Variants in HNF4G observed in about 807,000 individuals in gnomAD.
HNF4G encodes the protein hepatocyte nuclear factor 4-gamma.
In HNF4G, 21 loss-of-function variants were observed where a neutral mutation model predicts 50.9. The ratio of observed to expected loss-of-function variants is 0.41; its 90% CI spans 0.29 to 0.59. The LOEUF (loss-of-function observed/expected upper bound fraction) is 0.59, where lower values mean the gene tolerates loss of function less well. Ranked by LOEUF, HNF4G falls within the 20% of genes least tolerant of loss-of-function variation. HNF4G has a pLI of 0.26. For missense variants in HNF4G, 527 were observed against 559.4 expected, an observed-to-expected ratio of 0.94 and a Z score of 0.58; for synonymous variants, 198 against 185.6, an observed-to-expected ratio of 1.07 and a Z score of -0.54.
chr8:75,432,231 A>T (rs1811031794), intron 1 of HNF4G, among the ~76,000 whole-genome samples: 1 of 152,100 alleles, frequency 6.6e-6, no homozygotes, highest in African/African-American at 2.4e-5. Context: ...TCCAACCTGG[A>T]TTATGGCCCT....
At chr8:75,475,685 T>G (rs899326904) in intron 1 of HNF4G, among the ~76,000 whole-genome samples, 1 of 152,198 alleles carries the variant, frequency 6.6e-6, no homozygotes, top group Admixed American at 6.5e-5. Context: ...TGATAAGCAC[T>G]GAAAACATAC....
chr8:75,428,059 A>G (rs529931787), intron 1 of HNF4G, among the ~76,000 whole-genome samples: 180 of 152,310 alleles, frequency 1.2e-3, no homozygotes, highest in African/African-American at 4.2e-3. Flanking sequence ...TTATAATGGA[A>G]CATTACATTG....
chr8:75,439,840 G>T (rs1811233115), intron 1 of HNF4G, among the ~76,000 whole-genome samples: 1 of 151,498 alleles, frequency 6.6e-6, no homozygotes, highest in African/African-American at 2.4e-5. Flanking sequence ...CTGTTTTTTA[G>T]ATAATTCAGT....
At chr8:75,561,564 C>G (rs1012540693) in intron 9 of HNF4G, among the ~76,000 whole-genome samples, 12 of 152,176 alleles carry the variant, frequency 7.9e-5, no homozygotes, top group African/African-American at 2.9e-4. Flanking sequence ...CAATCATGGA[C>G]AGACTAAAAG....
intron 1 of HNF4G, among the ~76,000 whole-genome samples, chr8:75,410,286 CA>C (rs1281445011): frequency 6.6e-6 from 1 of 152,146 alleles, no homozygotes; most frequent in East Asian, 1.9e-4. Flanking sequence ...TAAACACCCA[CA>C]GTATATTTCT....
chr8:75,531,041 G>C (rs184663844), intron 2 of HNF4G, among the ~76,000 whole-genome samples: 15 of 152,002 alleles, frequency 9.9e-5, no homozygotes, highest in African/African-American at 3.1e-4. Flanking sequence ...TGATCCATCC[G>C]CCTTGGCCTC....
chr8:75,507,712 A>G (rs1805633282), intron 2 of HNF4G, among the ~76,000 whole-genome samples: 3 of 152,236 alleles, frequency 2.0e-5, no homozygotes, highest in African/African-American at 7.2e-5. Flanking sequence ...TCTGATATAT[A>G]TAATAAAGTT....
chr8:75,447,631 C>T (rs1239516652), intron 1 of HNF4G, among the ~76,000 whole-genome samples: 2 of 152,124 alleles, frequency 1.3e-5, no homozygotes, highest in Admixed American at 6.5e-5. Flanking sequence ...AGGACATGAA[C>T]AGACACTTCT....
intron 1 of HNF4G, among the ~76,000 whole-genome samples, chr8:75,477,804 C>T (rs943163535): frequency 6.6e-6 from 1 of 151,844 alleles, no homozygotes; most frequent in Non-Finnish European, 1.5e-5. Context: ...CCCGTCTCTA[C>T]TAAAAATACA....
chr8:75,418,337 G>C (rs571488084), intron 1 of HNF4G, among the ~76,000 whole-genome samples: 9 of 152,236 alleles, frequency 5.9e-5, no homozygotes, highest in Non-Finnish European at 1.3e-4. Flanking sequence ...TTTAACATAT[G>C]ATTTTGGGAG....
At chr8:75,424,567 G>C (rs1810848655) in intron 1 of HNF4G, among the ~76,000 whole-genome samples, 1 of 152,058 alleles carries the variant, frequency 6.6e-6, no homozygotes, top group African/African-American at 2.4e-5. Flanking sequence ...AGTTCCCAGA[G>C]TCTACTGTTC....
intron 1 of HNF4G, among the ~76,000 whole-genome samples, chr8:75,489,882 T>C (rs1669818935): frequency 6.6e-6 from 1 of 152,242 alleles, no homozygotes; most frequent in Non-Finnish European, 1.5e-5. Context: ...CTTGTTGTTC[T>C]GTGTGGAACT....
intron 2 of HNF4G, among the ~76,000 whole-genome samples, chr8:75,495,070 A>G (rs943614012): frequency 1.3e-5 from 2 of 152,174 alleles, no homozygotes; most frequent in African/African-American, 4.8e-5. Context: ...ATATGATAGG[A>G]GAGAAAAAAT....
At chr8:75,546,721 T>A (rs1806791091) in intron 2 of HNF4G, among the ~76,000 whole-genome samples, 1 of 152,160 alleles carries the variant, frequency 6.6e-6, no homozygotes, top group South Asian at 2.1e-4. Context: ...TACTGACAAA[T>A]AATAAAATTC....
intron 1 of HNF4G, among the ~76,000 whole-genome samples, chr8:75,425,319 A>C (rs1810868313): frequency 2.0e-5 from 3 of 151,462 alleles, no homozygotes; most frequent in Admixed American, 2.0e-4. Flanking sequence ...CCCGACCTCA[A>C]GTGATCCTCT....
chr8:75,418,706 A>G (rs1239200305), intron 1 of HNF4G, among the ~76,000 whole-genome samples: 1 of 151,052 alleles, frequency 6.6e-6, no homozygotes, highest in East Asian at 1.9e-4. Context: ...ACCTAGTGAT[A>G]AGTCTCTCTC....
chr8:75,553,850 G>T (rs1197063220), intron 5 of HNF4G, among the ~76,000 whole-genome samples: 1 of 151,992 alleles, frequency 6.6e-6, no homozygotes, highest in Admixed American at 6.6e-5. Flanking sequence ...TTCATATTTT[G>T]TCATATGCCC....
At chr8:75,553,013 T>C (rs747624655) in intron 4 of HNF4G, 29 bp from the exon 5 acceptor site, 1 of 1,522,020 alleles carries the variant, frequency 6.6e-7, no homozygotes, top group Non-Finnish European at 9.0e-7. Context: ...TTATTTTAAA[T>C]GATAATATAA....
chr8:75,432,369 T>A (rs1025676876), intron 1 of HNF4G, among the ~76,000 whole-genome samples: 1 of 152,138 alleles, frequency 6.6e-6, no homozygotes, highest in African/African-American at 2.4e-5. Context: ...CAGGCTGGAG[T>A]GCAGTGGTGC....
Sources: allele counts gnomAD v4.1 joint callset (sites outside exome capture counted in the v4.1 genomes callset), GRCh38; gene constraint gnomAD v4.1.1; transcripts MANE v1.5; gene names NCBI Gene and HGNC (gene_info 2026-07-23, HGNC 2026-07-21).